The following RTN4R variants were observed in gnomAD, a reference collection of about 807,000 sequenced individuals.
RTN4R encodes the protein reticulon 4 receptor.
RTN4R carries 4 observed loss-of-function variants against 27.7 expected under a neutral mutation model. The ratio of observed to expected loss-of-function variants is 0.14; its 90% CI spans 0.07 to 0.33. The LOEUF is 0.33. Among genes scored for constraint, RTN4R ranks in the 10% least tolerant of loss-of-function variants. The probability of loss-of-function intolerance (pLI) is 1.00; values close to 1 mark genes in which losing one functional copy is unlikely to be tolerated. For missense variants in RTN4R, 554 were observed against 671.5 expected (o/e 0.83, Z 1.93); for synonymous variants, 290 against 305.6 (o/e 0.95, Z 0.53).
chr22:20,242,989 C>A lies in RTN4R; in HGVS notation c.144G>T (p.Leu48=). The A allele has an allele frequency of 2.5e-6, 4 of 1,610,752 alleles. No individual in the cohort carries two copies. Among genetic ancestry groups the A allele is most frequent in the Non-Finnish European group, 3.4e-6 (4 of 1,179,862 alleles). Residue 48 remains leucine (L), a synonymous_variant, in exon 2 of 2, where the codon CTG becomes CTT. Coordinates refer to ENST00000043402, the MANE Select transcript of RTN4R (RefSeq NM_023004.6). ...CAGGGATGCCCACGGGCACAGCCTG[C>A]AGGCCCTGCTGGGGGCAGCTTGTCG... ...KVTTSCPQQG[L]QAVPVGIPAA...
In RTN4R at chr22:20,268,288, GCAC is replaced by G. The variant is rs1297210913; in HGVS notation, c.-199_-197del. 5.9e-3 allele frequency: 22 copies of G among 3,720 alleles called. No homozygotes were observed. The highest frequency in any genetic ancestry group is 0.016 in the East Asian group (1 of 62). 0.2% of individuals were successfully genotyped at this position (3,720 alleles called of 1,614,324 possible). A position where few individuals can be genotyped will look rare whatever the true frequency, so the allele number is the denominator to read the frequency against. On this transcript the variant is annotated 5_prime_UTR_variant, in exon 1 of 2. Coordinates refer to ENST00000043402, the MANE Select transcript of RTN4R (RefSeq NM_023004.6). The stretch of plus-strand genomic sequence containing the variant: ...CGCGGGTGCGCAGGGCGCGCAGGGC[GCAC>G]AGGGCGAGGGCGGCGGCGGCGCGGG...
At chr22:20,261,815 G>C (rs1347233650) in intron 1 of RTN4R, among the ~76,000 whole-genome samples, 1 of 152,254 alleles carries the variant, frequency 6.6e-6, no homozygotes, top group Non-Finnish European at 1.5e-5. Flanking sequence ...GGCAGACACA[G>C]GTGCCAGGCA....
chr22:20,258,176 C>T (rs1048614432), intron 1 of RTN4R, among the ~76,000 whole-genome samples: 10 of 152,350 alleles, frequency 6.6e-5, no homozygotes, highest in Middle Eastern at 3.4e-3. Context: ...CTGGCCCTGA[C>T]GCCAGGCCTG....
At chr22:20,252,238 G>T (rs2051188713) in intron 1 of RTN4R, among the ~76,000 whole-genome samples, 1 of 146,274 alleles carries the variant, frequency 6.8e-6, no homozygotes, top group Admixed American at 6.9e-5. Flanking sequence ...ATAAAGGGCA[G>T]CCTGGGGCTG....
chr22:20,265,786 G>A (rs914381837), intron 1 of RTN4R, among the ~76,000 whole-genome samples: 8 of 152,208 alleles, frequency 5.3e-5, no homozygotes, highest in African/African-American at 1.9e-4. Flanking sequence ...GGGGTGTGGG[G>A]AGGTGTTGTG....
At chr22:20,268,011 C>T in intron 1 of RTN4R, 60 bp downstream of exon 1, 1 of 1,037,530 alleles carries the variant, frequency 9.6e-7, no homozygotes, top group Non-Finnish European at 1.2e-6. Context: ...GGGGAGGGGG[C>T]GAGCCGCCCC....
intron 1 of RTN4R, among the ~76,000 whole-genome samples, chr22:20,260,479 A>G (rs997419739): frequency 1.3e-5 from 2 of 152,116 alleles, no homozygotes; most frequent in African/African-American, 4.8e-5. Context: ...GCATGCGTGG[A>G]GGCAGGTGGG....
intron 1 of RTN4R, among the ~76,000 whole-genome samples, chr22:20,266,967 G>A (rs2051281207): frequency 6.6e-6 from 1 of 152,258 alleles, no homozygotes; most frequent in Non-Finnish European, 1.5e-5. Flanking sequence ...GCCCCTGTCT[G>A]TGGGCCTGGC....
Position 20,242,271 on chromosome 22 carries a change from T to C in RTN4R, c.862A>G (p.Ser288Gly), listed in dbSNP as rs975955463. Reference protein sequence around the residue: ...FRGSSSEVPCSLPQRLAGRDL... With the variant: ...FRGSSSEVPCGLPQRLAGRDL... ...CGGCCAGCCAGGCGTTGCGGGAGGC[T>C]GCAGGGCACCTCGGAGGAGGAGCCG... The change falls in exon 2 of 2, where the codon AGC becomes GGC. Residue 288 changes from serine (S) to glycine (G), a missense_variant. Around this residue, in one of 2 missense-constraint regions of RTN4R, gnomAD observed 413 missense variants for 542.3 expected, o/e 0.76. Coordinates refer to ENST00000043402, the MANE Select transcript of RTN4R (RefSeq NM_023004.6). 9 of 1,598,854 alleles carry C rather than the reference T, an allele frequency of 5.6e-6. No individual in the cohort carries two copies. In the Admixed American group the frequency reaches 8.8e-5, roughly 16 times the overall value.
chr22:20,253,379 G>A (rs1212333173), intron 1 of RTN4R, among the ~76,000 whole-genome samples: 1 of 152,212 alleles, frequency 6.6e-6, no homozygotes, highest in Non-Finnish European at 1.5e-5. Context: ...CCCACCATGT[G>A]TTAGACACGG....
At chr22:20,254,803 C>A (rs1033150093) in intron 1 of RTN4R, among the ~76,000 whole-genome samples, 1 of 151,992 alleles carries the variant, frequency 6.6e-6, no homozygotes, top group African/African-American at 2.4e-5. Flanking sequence ...AAAAATGAGA[C>A]CCCAATAGAA....
chr22:20,262,230 T>C (rs1056289668), intron 1 of RTN4R, among the ~76,000 whole-genome samples: 1 of 152,132 alleles, frequency 6.6e-6, no homozygotes, highest in Non-Finnish European at 1.5e-5. Context: ...GCAGACAGGC[T>C]GGATCTGGAG....
chr22:20,246,857 G>C (rs1309775370), intron 1 of RTN4R, among the ~76,000 whole-genome samples: 1 of 152,254 alleles, frequency 6.6e-6, no homozygotes, highest in Non-Finnish European at 1.5e-5. Flanking sequence ...ATCACCGGAG[G>C]GTCCCATCAC....
intron 1 of RTN4R, among the ~76,000 whole-genome samples, chr22:20,253,014 C>T (rs547781662): frequency 1.4e-4 from 22 of 152,284 alleles, no homozygotes; most frequent in Non-Finnish European, 2.5e-4. Context: ...GTGAGGAGTC[C>T]AGGGAGGCAA....
rs995842220 is a variant in RTN4R at position 20,255,358 on chromosome 22, G to A, written c.23-12248C>T. On this transcript the variant is annotated intron_variant, in intron 1 of 1. Transcript: ENST00000043402. This position sits in a 1 kb window ranked among gnomAD's most constrained non-coding sequence, Gnocchi z 4.8. ...TGTCTCCAAGGTGCAGGAGGAGAGC[G>A]AGGGACAGTGAGAGCTCAAGAGCAC... Among the ~76,000 whole-genome samples, 1 of 152,228 alleles carries A rather than the reference G, an allele frequency of 6.6e-6. No individual in the cohort carries two copies. The highest frequency in any genetic ancestry group is 2.4e-5 in the African/African-American group (1 of 41,458).
intron 1 of RTN4R, among the ~76,000 whole-genome samples, chr22:20,251,967 T>C: frequency 4.1e-5 from 2 of 48,784 alleles, no homozygotes; most frequent in African/African-American, 7.9e-5. Context: ...CTTATCCTCA[T>C]CACTATCACC....
At chr22:20,250,917 C>A (rs2051172772) in intron 1 of RTN4R, among the ~76,000 whole-genome samples, 1 of 152,124 alleles carries the variant, frequency 6.6e-6, no homozygotes, top group East Asian at 1.9e-4. Flanking sequence ...AGGGGGACAG[C>A]AGAGGAAGTG....
intron 1 of RTN4R, among the ~76,000 whole-genome samples, chr22:20,246,859 T>A (rs2145974770): frequency 6.6e-6 from 1 of 152,234 alleles, no homozygotes; most frequent in South Asian, 2.1e-4. Context: ...CACCGGAGGG[T>A]CCCATCACCT....
At chr22:20,244,412 C>T (rs545167321) in intron 1 of RTN4R, among the ~76,000 whole-genome samples, 14 of 152,224 alleles carry the variant, frequency 9.2e-5, no homozygotes, top group African/African-American at 2.4e-4. Flanking sequence ...AAGCCCAGCA[C>T]GCGCAGTGAC....
Sources: allele counts gnomAD v4.1 joint callset (sites outside exome capture counted in the v4.1 genomes callset), GRCh38; gene constraint gnomAD v4.1.1; regional missense constraint gnomAD v4.1.1; non-coding constraint Gnocchi (gnomAD v3.1); transcripts MANE v1.5; gene names NCBI Gene and HGNC (gene_info 2026-07-23, HGNC 2026-07-21).